TNFRSF11B: variants seen among roughly 807,000 people sequenced by gnomAD.
TNFRSF11B encodes TNF receptor superfamily member 11b.
TNFRSF11B carries 16 observed loss-of-function variants against 43.4 expected under a neutral mutation model. The ratio of observed to expected loss-of-function variants is 0.37; its 90% CI spans 0.25 to 0.56. The LOEUF (loss-of-function observed/expected upper bound fraction) is 0.56. Ranked by LOEUF, TNFRSF11B falls within the 20% of genes least tolerant of loss-of-function variation. TNFRSF11B has a pLI of 0.80. For synonymous variants in TNFRSF11B, 185 were observed against 181.8 expected, an observed-to-expected ratio of 1.02 and a Z score of -0.14; for missense variants, 444 against 490.1, an observed-to-expected ratio of 0.91 and a Z score of 0.89.
intron 2 of TNFRSF11B, among the ~76,000 whole-genome samples, 170 bp downstream of exon 2, chr8:118,932,761 G>A (rs1042389556): frequency 6.6e-6 from 1 of 151,924 alleles, no homozygotes; most frequent in Non-Finnish European, 1.5e-5. Flanking sequence ...ATTCCTCTGA[G>A]CAATGGTCCT....
Position 118,926,597 on chromosome 8 carries a change from C to T in TNFRSF11B, c.714G>A (p.Glu238=), listed in dbSNP as rs11573930. The change falls in exon 4 of 5, where the codon GAG becomes GAA. Residue 238 remains glutamate (E), a synonymous_variant. Transcript: ENST00000297350. The part of the protein sequence containing the change: ...PGTKVNAESV[E]RIKRQHSSQE... ...GTGAGCTGTGTTGCCGTTTTATCCT[C>T]TCTACACTCTCTGCGTTTACTTTGG... The T allele has an allele frequency of 4.3e-3, 6,874 of 1,614,106 alleles. 260 individuals are homozygous for T. In the African/African-American group the frequency reaches 0.079, roughly 19 times the overall value.
chr8:118,950,505 A>C (rs1812626386), intron 1 of TNFRSF11B, among the ~76,000 whole-genome samples: 1 of 152,218 alleles, frequency 6.6e-6, no homozygotes, highest in Non-Finnish European at 1.5e-5. Context: ...GGCCATAGAC[A>C]CAGTAGTGAT....
chr8:118,951,859 G>T lies in TNFRSF11B; in HGVS notation c.-38C>A. ...AAACCTCAGGGGCTTGGAGGCGGCG[G>T]CTGGGCGAGCGCTCCGGTGCGTCTC... On this transcript the variant is annotated 5_prime_UTR_variant, in exon 1 of 5. Coordinates refer to ENST00000297350, the MANE Select transcript of TNFRSF11B (RefSeq NM_002546.4). 1 of 1,563,686 alleles carries T rather than the reference G, an allele frequency of 6.4e-7. No homozygotes were observed.
intron 2 of TNFRSF11B, among the ~76,000 whole-genome samples, chr8:118,929,744 G>A (rs1233544586): frequency 6.6e-6 from 1 of 152,124 alleles, no homozygotes; most frequent in Non-Finnish European, 1.5e-5. Context: ...ACTATATTAC[G>A]CATGGCTAGA....
chr8:118,924,328 T>C lies in TNFRSF11B; in HGVS notation c.*46A>G, dbSNP rs2129877219. 2 of 1,609,552 alleles carry C rather than the reference T, an allele frequency of 1.2e-6. No homozygotes were observed. Among genetic ancestry groups the C allele is most frequent in the Non-Finnish European group, 1.7e-6 (2 of 1,177,278 alleles). ...GCCTGAGAAACAGTTTACTCATCCA[T>C]GGGATCTCGCCAATTGTGAGGAAAC... On this transcript the variant is annotated 3_prime_UTR_variant, in exon 5 of 5. Coordinates refer to ENST00000297350, the MANE Select transcript of TNFRSF11B (RefSeq NM_002546.4).
chr8:118,939,749 G>A (rs1181049273), intron 1 of TNFRSF11B, among the ~76,000 whole-genome samples: 1 of 152,154 alleles, frequency 6.6e-6, no homozygotes, highest in Non-Finnish European at 1.5e-5. Context: ...TGGGAACTCA[G>A]GACAGAAAAG....
chr8:118,950,918 C>G (rs1036039859), intron 1 of TNFRSF11B, among the ~76,000 whole-genome samples: 5 of 152,154 alleles, frequency 3.3e-5, no homozygotes, highest in African/African-American at 1.2e-4. Context: ...TTAAATATGG[C>G]TTTTCCTAGC....
At chr8:118,951,367 C>T (rs1217168270) in intron 1 of TNFRSF11B, among the ~76,000 whole-genome samples, 2 of 152,176 alleles carry the variant, frequency 1.3e-5, no homozygotes, top group African/African-American at 4.8e-5. Flanking sequence ...AGACTAACGT[C>T]TTCTTCCAAC....
Position 118,924,565 on chromosome 8 carries a change from G to A in TNFRSF11B, c.1015C>T (p.Gln339Ter). Residue 339 changes from glutamine (Q) to a stop codon, truncating the protein, a stop_gained, in exon 5 of 5, where the codon CAA becomes TAA. Coordinates refer to ENST00000297350, the MANE Select transcript of TNFRSF11B (RefSeq NM_002546.4). LOFTEE classifies it high-confidence loss of function. ...TGCATTAGGCCCTTCAAGGTGTCTT[G>A]GTCGCCATTTTTTATTCGCCACAAA... is the stretch of plus-strand genomic sequence containing the variant. ...LSLWRIKNGD[Q>*]DTLKGLMHAL... The A allele has an allele frequency of 3.1e-6, 5 of 1,614,126 alleles. No individual in the cohort carries two copies. The highest frequency in any genetic ancestry group is 4.2e-6 in the Non-Finnish European group (5 of 1,180,022).
rs767415247 is a variant in TNFRSF11B, at chr8:118,924,533, T to C, written c.1047A>G (p.Leu349=). ...QDTLKGLMHA[L]KHSKTYHFPK... is the part of the protein sequence containing the mutation. ...GAAAGTGGTACGTCTTTGAGTGCTT[T>C]AGTGCGTGCATTAGGCCCTTCAAGG... is the stretch of plus-strand genomic sequence containing the variant. Residue 349 remains leucine, a synonymous_variant, in exon 5 of 5, where the codon CTA becomes CTG. Transcript: ENST00000297350. 8 of 1,614,104 alleles carry C rather than the reference T, an allele frequency of 5.0e-6. No homozygotes were observed. The South Asian group carries it at 6.6e-5, about 13-fold the overall frequency.
intron 2 of TNFRSF11B, 76 bp from the exon 3 acceptor site, chr8:118,929,005 G>A (rs1812288637): frequency 5.7e-6 from 8 of 1,399,370 alleles, no homozygotes; most frequent in South Asian, 1.2e-5. Context: ...ACACAGTTTT[G>A]GAAAGACTTT....
At chr8:118,926,223 C>T (rs1395044888) in intron 4 of TNFRSF11B, among the ~76,000 whole-genome samples, 3 of 152,180 alleles carry the variant, frequency 2.0e-5, no homozygotes, top group East Asian at 1.9e-4. Context: ...CCCTGAGATA[C>T]AGCCCTGCCT....
At position 118,926,515 on chromosome 8, in the gene TNFRSF11B, T is replaced by TA; in HGVS notation, c.795dup (p.Ile266TyrfsTer10). 3.1e-6 allele frequency: 5 copies of TA among 1,613,894 alleles called. No individual in the cohort carries two copies. Among genetic ancestry groups the TA allele is most frequent in the Non-Finnish European group, 4.2e-6 (5 of 1,179,802 alleles). ...ATACCTTGGATGATCTTCTTGACTA[T>TA]ATCTTGGTCTTTGTTTTGATGTTTC... is the stretch of plus-strand genomic sequence containing the variant. On this transcript the variant is annotated frameshift_variant, in exon 4 of 5. Coordinates refer to ENST00000297350, the MANE Select transcript of TNFRSF11B (RefSeq NM_002546.4). LOFTEE classifies it high-confidence loss of function.
chr8:118,940,488 C>T (rs1005923194), intron 1 of TNFRSF11B, among the ~76,000 whole-genome samples: 2 of 152,142 alleles, frequency 1.3e-5, no homozygotes, highest in African/African-American at 4.8e-5. Flanking sequence ...TAACCATGAT[C>T]CCACCCCTAC....
chr8:118,937,878 C>A (rs1241276338), intron 1 of TNFRSF11B, among the ~76,000 whole-genome samples: 1 of 152,132 alleles, frequency 6.6e-6, no homozygotes, highest in Non-Finnish European at 1.5e-5. Context: ...TTAGCAAACA[C>A]TGTCTCTAAG....
intron 1 of TNFRSF11B, among the ~76,000 whole-genome samples, chr8:118,935,780 CT>C (rs1812397864): frequency 1.3e-5 from 2 of 149,912 alleles, no homozygotes; most frequent in South Asian, 4.3e-4. Context: ...GTTGTGTTTG[CT>C]TTCAAGAGGC....
rs1447538325 is a variant in TNFRSF11B, at chr8:118,926,601, A to G, written c.710T>C (p.Val237Ala). 6.2e-7 allele frequency: 1 copy of G among 1,614,112 alleles called. No individual in the cohort carries two copies. The highest frequency in any genetic ancestry group is 1.3e-5 in the African/African-American group (1 of 75,050). The change falls in exon 4 of 5, where the codon GTA becomes GCA. Residue 237 changes from valine to alanine, a missense_variant. Coordinates refer to ENST00000297350, the MANE Select transcript of TNFRSF11B (RefSeq NM_002546.4). ...LPGTKVNAESVERIKRQHSSQ... is the reference protein window; with the variant it reads ...LPGTKVNAESAERIKRQHSSQ... ...GCTGTGTTGCCGTTTTATCCTCTCT[A>G]CACTCTCTGCGTTTACTTTGGTGCC...
At chr8:118,930,548 G>A in intron 2 of TNFRSF11B, 1 of 221,776 alleles carries the variant, frequency 4.5e-6, no homozygotes, top group South Asian at 5.1e-5. Context: ...AGTAGCTAGG[G>A]TTGCAGGCAT....
At chr8:118,928,961 C>A in intron 2 of TNFRSF11B, 32 bp from the exon 3 acceptor site, 1 of 1,606,786 alleles carries the variant, frequency 6.2e-7, no homozygotes. Context: ...TTAGTACCTT[C>A]TCCTCAAATC....
Sources: allele counts gnomAD v4.1 joint callset (sites outside exome capture counted in the v4.1 genomes callset), GRCh38; gene constraint gnomAD v4.1.1; transcripts MANE v1.5; gene names NCBI Gene and HGNC (gene_info 2026-07-23, HGNC 2026-07-21).